EVC2: variants seen among roughly 807,000 people sequenced by gnomAD.
EVC2 encodes the protein limbin.
In EVC2, 148 loss-of-function variants were observed where a neutral mutation model predicts 149.3. That is an observed-to-expected ratio of 0.99 (90% confidence interval 0.87 to 1.14). The LOEUF is 1.14. EVC2 is among the 50% of genes most tolerant of loss of function. The pLI is 0.00. For missense variants in EVC2, 1,854 were observed against 1,627.3 expected (o/e 1.14, Z -2.40); for synonymous variants, 776 against 649.9 (o/e 1.19, Z -2.95).
chr4:5,595,045 C>A (rs1713247454), intron 16 of EVC2, among the ~76,000 whole-genome samples: 1 of 152,128 alleles, frequency 6.6e-6, no homozygotes, highest in African/African-American at 2.4e-5. Context: ...ACGAACAAAG[C>A]CTCCAAGAAA....
At chr4:5,683,946 A>G (rs1425970148) in intron 6 of EVC2, among the ~76,000 whole-genome samples, 1 of 151,932 alleles carries the variant, frequency 6.6e-6, no homozygotes, top group African/African-American at 2.4e-5. Context: ...GCCCGGGAAC[A>G]CACACAGCTG....
Position 5,640,413 on chromosome 4 carries a change from A to G in EVC2, c.1470+101T>C. 7.3e-7 allele frequency: 1 copy of G among 1,367,194 alleles called. No individual in the cohort carries two copies. Among genetic ancestry groups the G allele is most frequent in the African/African-American group, 1.4e-5 (1 of 69,546 alleles). 84.7% of individuals were successfully genotyped at this position (1,367,194 alleles called of 1,614,324 possible). A position where few individuals can be genotyped will look rare whatever the true frequency, so the allele number is the denominator to read the frequency against. On this transcript the variant is annotated intron_variant, in intron 10 of 21. Coordinates refer to ENST00000344408, the MANE Select transcript of EVC2 (RefSeq NM_147127.5). The surrounding 1 kb of genome is among the most constrained non-coding windows in gnomAD (Gnocchi z 4.6). ...GGGTGGTTGGATGGATGATGGGTAG[A>G]CGGATGGAGGAGGCAAATGGACAGA... is the stretch of plus-strand genomic sequence containing the variant.
intron 15 of EVC2, among the ~76,000 whole-genome samples, chr4:5,616,118 G>A (rs374990023): frequency 6.6e-5 from 10 of 152,152 alleles, no homozygotes; most frequent in East Asian, 5.8e-4. Context: ...ATGTCAAGCC[G>A]GTAGCCTGAA....
rs960072786 is a variant in EVC2, at chr4:5,696,299, C to T, written c.283+1294G>A. On this transcript the variant is annotated intron_variant, in intron 2 of 21. Transcript: ENST00000344408. This position sits in a 1 kb window ranked among gnomAD's most constrained non-coding sequence, Gnocchi z 4.1. Reference sequence around the variant, plus strand: ...CTGGTCCTCAGCTTTAATGAAGACTCCAAAGTGATCCCTCCCTTCAGAGAG... The same window carrying T: ...CTGGTCCTCAGCTTTAATGAAGACTTCAAAGTGATCCCTCCCTTCAGAGAG... 6.6e-6 allele frequency among the ~76,000 whole-genome samples: 1 copy of T among 152,170 alleles called. No homozygotes were observed. The highest frequency in any genetic ancestry group is 1.5e-5 in the Non-Finnish European group (1 of 68,024).
At chr4:5,658,782 G>C (rs1261398436) in intron 9 of EVC2, among the ~76,000 whole-genome samples, 1 of 152,202 alleles carries the variant, frequency 6.6e-6, no homozygotes, top group Non-Finnish European at 1.5e-5. Context: ...CAGCTTCCTG[G>C]TCTAAAACGA....
downstream of EVC2, among the ~76,000 whole-genome samples, chr4:5,559,499 G>C (rs1721899239): frequency 6.6e-6 from 1 of 152,132 alleles, no homozygotes; most frequent in Non-Finnish European, 1.5e-5. The surrounding 1 kb of genome is among the most constrained non-coding windows in gnomAD (Gnocchi z 5.0). Context: ...AGACTCCTTG[G>C]AGAAATGTCT....
chr4:5,670,536 T>C lies in EVC2; in HGVS notation c.871-4887A>G, dbSNP rs1037282366. On this transcript the variant is annotated intron_variant, in intron 7 of 21. Transcript: ENST00000344408. This position sits in a 1 kb window ranked among gnomAD's most constrained non-coding sequence, Gnocchi z 5.2. ...CCACCACGATTATCAACATCATCAA[T>C]ATCCCCATCACCATCATCTTCACAT... Among the ~76,000 whole-genome samples, 4 of 149,056 alleles carry C rather than the reference T, an allele frequency of 2.7e-5. No individual in the cohort carries two copies. Among genetic ancestry groups the C allele is most frequent in the African/African-American group, 9.9e-5 (4 of 40,232 alleles).
chr4:5,563,296 A>C (rs1722070167), intron 21 of EVC2, among the ~76,000 whole-genome samples, 181 bp from the exon 22 acceptor site: 2 of 152,152 alleles, frequency 1.3e-5, no homozygotes. Flanking sequence ...AGCCTGTAAC[A>C]GTGGTGTGCT....
At chr4:5,539,943 A>G (rs2108754497), downstream of EVC2, among the ~76,000 whole-genome samples, 1 of 152,338 alleles carries the variant, frequency 6.6e-6, no homozygotes, top group South Asian at 2.1e-4. Flanking sequence ...GAAAAGACAA[A>G]CTGCAGAATT....
At chr4:5,645,623 T>A (rs1450297563) in intron 9 of EVC2, among the ~76,000 whole-genome samples, 1 of 152,242 alleles carries the variant, frequency 6.6e-6, no homozygotes, top group South Asian at 2.1e-4. Context: ...TAGTATTCCA[T>A]GGTGTATATG....
downstream of EVC2, among the ~76,000 whole-genome samples, chr4:5,560,130 G>A (rs942043963): frequency 2.5e-4 from 38 of 151,340 alleles, no homozygotes; most frequent in Non-Finnish European, 3.1e-4. The surrounding 1 kb of genome is among the most constrained non-coding windows in gnomAD (Gnocchi z 4.1). Flanking sequence ...ACAGGGAGCC[G>A]AGCCCCTGCT....
Position 5,640,854 on chromosome 4 carries a change from A to G in EVC2, c.1146-16T>C, listed in dbSNP as rs1396053283. 1 of 1,614,062 alleles carries G rather than the reference A, an allele frequency of 6.2e-7. No individual in the cohort carries two copies. The highest frequency in any genetic ancestry group is 1.3e-5 in the African/African-American group (1 of 75,044). ...AATCTCCAACCTAGGAAACACAAAA[A>G]TCAAAAGAATTCCATTACATGAAAT... is the stretch of plus-strand genomic sequence containing the variant. On this transcript the variant is annotated splice_polypyrimidine_tract_variant and intron_variant, in intron 9 of 21. Coordinates refer to ENST00000344408, the MANE Select transcript of EVC2 (RefSeq NM_147127.5). This position sits in a 1 kb window ranked among gnomAD's most constrained non-coding sequence, Gnocchi z 4.6.
chr4:5,561,797 T>A (rs1202973056), downstream of EVC2, among the ~76,000 whole-genome samples: 2 of 152,166 alleles, frequency 1.3e-5, no homozygotes, highest in South Asian at 2.1e-4. Flanking sequence ...CTAGTGATCA[T>A]TAAAAAGTAG....
intron 9 of EVC2, among the ~76,000 whole-genome samples, chr4:5,648,331 T>C (rs1290159394): frequency 1.3e-5 from 2 of 152,218 alleles, no homozygotes; most frequent in Admixed American, 6.5e-5. Context: ...TGGTAATTTG[T>C]TACAGCTGAA....
upstream of EVC2, chr4:5,708,795 C>T: frequency 3.0e-6 from 1 of 333,830 alleles, no homozygotes; most frequent in Non-Finnish European, 5.4e-6. Flanking sequence ...CCCGAGGTTA[C>T]CAGGACCCCA....
chr4:5,640,761 G>A lies in EVC2; in HGVS notation c.1223C>T (p.Ala408Val), dbSNP rs746167767. The A allele has an allele frequency of 6.2e-7, 1 of 1,614,158 alleles. No individual in the cohort carries two copies. The highest frequency in any genetic ancestry group is 1.7e-5 in the Admixed American group (1 of 60,018). The change falls in exon 10 of 22, where the codon GCC becomes GTC. Residue 408 changes from alanine to valine, a missense_variant. Ala to Val is a moderately conservative substitution (Grantham distance 64). Transcript: ENST00000344408. This position sits in a 1 kb window ranked among gnomAD's most constrained non-coding sequence, Gnocchi z 4.6. Reference sequence around the variant, plus strand: ...GCTGGTGAGATTTTTCAGCAGAAGGGCAATGATATCCTTGCTGATTTGTGT... The same window carrying A: ...GCTGGTGAGATTTTTCAGCAGAAGGACAATGATATCCTTGCTGATTTGTGT... ...CRTQISKDII[A>V]LLLKNLTSSG...
chr4:5,568,866 A>G (rs1300711181), intron 19 of EVC2, among the ~76,000 whole-genome samples: 3 of 152,096 alleles, frequency 2.0e-5, no homozygotes, highest in African/African-American at 2.4e-5. Flanking sequence ...ATCCCGTCCA[A>G]CTGCTCTCAA....
chr4:5,706,321 C>CATAGATAGATAGATAG (rs1163864655), intron 1 of EVC2, among the ~76,000 whole-genome samples: 16 of 26,550 alleles, frequency 6.0e-4, no homozygotes, highest in Non-Finnish European at 7.1e-4. Context: ...TAGATAGATA[C>CATAGATAGATAGATAG]ATAGATAGAT....
chr4:5,579,943 G>A (rs1438526654), intron 17 of EVC2, among the ~76,000 whole-genome samples: 2 of 152,118 alleles, frequency 1.3e-5, no homozygotes, highest in Admixed American at 1.3e-4. Flanking sequence ...CATTTGTTTG[G>A]GGTCACATTA....
Sources: allele counts gnomAD v4.1 joint callset (sites outside exome capture counted in the v4.1 genomes callset), GRCh38; gene constraint gnomAD v4.1.1; non-coding constraint Gnocchi (gnomAD v3.1); transcripts MANE v1.5; gene names NCBI Gene and HGNC (gene_info 2026-07-23, HGNC 2026-07-21).